The following PGD variants were observed in gnomAD, a reference collection of about 807,000 sequenced individuals.
PGD encodes 6-phosphogluconate dehydrogenase, decarboxylating.
In PGD, 21 loss-of-function variants were observed where a neutral mutation model predicts 60.4. The observed-to-expected ratio is 0.35, with a 90% CI of 0.25 to 0.50. PGD has a LOEUF of 0.50. Among genes scored for constraint, PGD ranks in the 20% least tolerant of loss-of-function variants. The pLI, the probability that PGD is intolerant of heterozygous loss-of-function variation, is 0.98. For synonymous variants in PGD, 230 were observed against 235.9 expected, an observed-to-expected ratio of 0.97 and a Z score of 0.23; for missense variants, 477 against 613.1, an observed-to-expected ratio of 0.78 and a Z score of 2.34.
intron 2 of PGD, 59 bp from the exon 3 acceptor site, chr1:10,400,334 C>T (rs1239539159): frequency 1.5e-6 from 2 of 1,309,024 alleles, no homozygotes; most frequent in South Asian, 2.6e-5. Context: ...GTTACTTTGG[C>T]CACAGTCTGA....
In PGD at chr1:10,403,146, C is replaced by A. The variant is rs12122847; in HGVS notation, c.330+10C>A. The A allele has an allele frequency of 4.4e-6, 7 of 1,575,770 alleles. No individual in the cohort carries two copies. The South Asian group carries it at 7.8e-5, about 17-fold the overall frequency. ...ATATAGGGACACCACAGTAAGTGTT[C>A]TTCAGTCCAGATTCTTCCAGGTTCC... On this transcript the variant is annotated intron_variant, in intron 4 of 12. Transcript: ENST00000270776.
At chr1:10,419,116 C>G (rs931672464) in intron 11 of PGD, among the ~76,000 whole-genome samples, 191 bp downstream of exon 11, 1 of 151,422 alleles carries the variant, frequency 6.6e-6, no homozygotes, top group Admixed American at 6.6e-5. Flanking sequence ...TCAAGCGATT[C>G]TCCTGCCCCA....
Position 10,419,620 on chromosome 1 carries a change from C to G in PGD, c.1333-10C>G, listed in dbSNP as rs766737915. ...GACTGTCCTGACCAACCTACTCTCTCGTTTCCTAGGCTCAGCGGGATTACT... is the reference window on the plus strand; with the variant it reads ...GACTGTCCTGACCAACCTACTCTCTGGTTTCCTAGGCTCAGCGGGATTACT... On this transcript the variant is annotated splice_polypyrimidine_tract_variant and intron_variant, in intron 12 of 12. Transcript: ENST00000270776. 2.5e-6 allele frequency: 4 copies of G among 1,614,018 alleles called. No homozygotes were observed. The Admixed American group carries it at 5.0e-5, about 20-fold the overall frequency.
intron 4 of PGD, among the ~76,000 whole-genome samples, chr1:10,403,590 GAAAAAAAA>G (rs71583866): frequency 4.5e-5 from 3 of 67,146 alleles, no homozygotes; most frequent in African/African-American, 1.8e-4. Context: ...AACTCCATCT[GAAAAAAAA>G]AAAAAAAAAA....
Position 10,399,086 on chromosome 1 carries a change from C to A in PGD, c.-32C>A. 6.2e-7 allele frequency: 1 copy of A among 1,609,048 alleles called. No homozygotes were observed. Among genetic ancestry groups the A allele is most frequent in the African/African-American group, 1.3e-5 (1 of 74,982 alleles). ...TTTCCCTCACTCGTCCTCCGCGCGT[C>A]GCCGCTCTTCGGTTCTGCTCTGTCC... On this transcript the variant is annotated 5_prime_UTR_variant, in exon 1 of 13. Transcript: ENST00000270776.
chr1:10,402,513 T>TC (rs1229883685), intron 3 of PGD, among the ~76,000 whole-genome samples: 3 of 151,152 alleles, frequency 2.0e-5, no homozygotes, highest in African/African-American at 7.3e-5. Flanking sequence ...ATGGTGAGAC[T>TC]CCATCTCAAA....
rs369275295 is a variant in PGD at position 10,413,208 on chromosome 1, C to A, written c.801C>A (p.Thr267=). 60 of 1,614,060 alleles carry A rather than the reference C, an allele frequency of 3.7e-5. No homozygotes were observed. The highest frequency in any genetic ancestry group is 2.7e-5 in the Non-Finnish European group (32 of 1,180,034). Residue 267 remains threonine (T), a synonymous_variant, in exon 8 of 13, where the codon ACC becomes ACA. Coordinates refer to ENST00000270776, the MANE Select transcript of PGD (RefSeq NM_002631.4). Reference sequence around the variant, plus strand: ...GGCAGAAGGGCACAGGGAAGTGGACCGCCATCTCCGCCCTGGAATACGGCG... The same window carrying A: ...GGCAGAAGGGCACAGGGAAGTGGACAGCCATCTCCGCCCTGGAATACGGCG... The part of the protein sequence containing the change: ...SAGQKGTGKW[T]AISALEYGVP...
chr1:10,407,910 C>G (rs952297280), intron 5 of PGD, among the ~76,000 whole-genome samples, 161 bp from the exon 6 acceptor site: 2 of 150,806 alleles, frequency 1.3e-5, no homozygotes, highest in African/African-American at 4.9e-5. Context: ...GATCACACCA[C>G]TGCATTCCAG....
At chr1:10,404,794 T>C (rs1639373238) in intron 5 of PGD, among the ~76,000 whole-genome samples, 1 of 152,040 alleles carries the variant, frequency 6.6e-6, no homozygotes, top group Non-Finnish European at 1.5e-5. Flanking sequence ...ACCACCACAC[T>C]TGGCCTCTAA....
rs71583866 is a variant in PGD at position 10,403,590 on chromosome 1, G to GAAAAAAAA, written c.330+467_330+474dup. ...TGGGCGACAGAGTGAAACTCCATCTGAAAAAAAAAAAAAAAAAAAAGACAC... is the reference window on the plus strand; with the variant it reads ...TGGGCGACAGAGTGAAACTCCATCTGAAAAAAAAAAAAAAAAAAAAAAAAAAAAGACAC... On this transcript the variant is annotated intron_variant, in intron 4 of 12. Transcript: ENST00000270776. Among the ~76,000 whole-genome samples, 161 of 67,136 alleles carry GAAAAAAAA rather than the reference G, an allele frequency of 2.4e-3. 3 individuals are homozygous for GAAAAAAAA. Among genetic ancestry groups the GAAAAAAAA allele is most frequent in the African/African-American group, 4.7e-3 (80 of 17,032 alleles). The allele number at this position is 67,136 out of a possible 152,430, so 44.0% of individuals were successfully genotyped here.
chr1:10,404,916 C>T (rs775249800), intron 5 of PGD, among the ~76,000 whole-genome samples: 2 of 152,174 alleles, frequency 1.3e-5, no homozygotes, highest in Non-Finnish European at 2.9e-5. Flanking sequence ...ATGTGATAAT[C>T]GTGGGTAACA....
chr1:10,410,383 G>A (rs1018165242), intron 6 of PGD, among the ~76,000 whole-genome samples: 4 of 151,874 alleles, frequency 2.6e-5, no homozygotes, highest in Admixed American at 6.6e-5. Context: ...CAGGTGTTGT[G>A]CTGAGCCAAG....
rs759797837 is a variant in PGD, at chr1:10,419,737, A to T, written c.1440A>T (p.Ser480=). 6.2e-7 allele frequency: 1 copy of T among 1,614,194 alleles called. No individual in the cohort carries two copies. The highest frequency in any genetic ancestry group is 1.1e-5 in the South Asian group (1 of 91,078). The change falls in exon 13 of 13, where the codon TCA becomes TCT. Residue 480 remains serine (S), a synonymous_variant. Coordinates refer to ENST00000270776, the MANE Select transcript of PGD (RefSeq NM_002631.4). ...TGHGGTVSSS[S]YNA The stretch of plus-strand genomic sequence containing the variant: ...ATGGTGGCACCGTGTCATCCTCGTC[A>T]TACAATGCCTGATCATGCTGCTCCT...
intron 5 of PGD, among the ~76,000 whole-genome samples, chr1:10,404,592 T>C (rs1177412782): frequency 6.6e-6 from 1 of 151,906 alleles, no homozygotes; most frequent in Non-Finnish European, 1.5e-5. Context: ...CCCCGTCTCC[T>C]GGGCTCAAGC....
At chr1:10,400,013 T>G in intron 2 of PGD, 1 of 462,232 alleles carries the variant, frequency 2.2e-6, no homozygotes, top group Middle Eastern at 5.9e-4. Flanking sequence ...TCTAACTTGA[T>G]TGCCTGATGA....
chr1:10,411,883 A>G (rs1639506814), intron 7 of PGD, among the ~76,000 whole-genome samples: 1 of 152,220 alleles, frequency 6.6e-6, no homozygotes, highest in Non-Finnish European at 1.5e-5. Context: ...TTTCCTGATC[A>G]AGTTGGGATT....
chr1:10,401,050 T>C (rs11121560), intron 3 of PGD, among the ~76,000 whole-genome samples: 50,168 of 151,936 alleles, frequency 0.33, 8,404 homozygotes, highest in Middle Eastern at 0.38. Context: ...ACTAAAAATA[T>C]AAAAATTAGC....
In PGD at chr1:10,419,636, C is replaced by T. The variant is rs1639656703; in HGVS notation, c.1339C>T (p.Arg447Trp). The change falls in exon 13 of 13, where the codon CGG becomes TGG. Residue 447 changes from arginine to tryptophan, a missense_variant. Physicochemically the swap from Arg to Trp is moderately radical, Grantham distance 101 (BLOSUM62 -3). This residue lies in a region of PGD where 2 missense variants were observed against 16.2 expected (regional missense o/e 0.12). Coordinates refer to ENST00000270776, the MANE Select transcript of PGD (RefSeq NM_002631.4). ...CTACTCTCTCGTTTCCTAGGCTCAG[C>T]GGGATTACTTCGGGGCTCACACCTA... ...MLPASLIQAQ[R>W]DYFGAHTYEL... 6.2e-7 allele frequency: 1 copy of T among 1,614,108 alleles called. No homozygotes were observed. The highest frequency in any genetic ancestry group is 8.5e-7 in the Non-Finnish European group (1 of 1,180,040).
chr1:10,410,994 AC>A (rs1265665198), intron 6 of PGD, among the ~76,000 whole-genome samples: 6 of 152,122 alleles, frequency 3.9e-5, no homozygotes, highest in Admixed American at 3.9e-4. Context: ...TTGAAAAAAA[AC>A]AAGTGATTTA....
Sources: allele counts gnomAD v4.1 joint callset (sites outside exome capture counted in the v4.1 genomes callset), GRCh38; gene constraint gnomAD v4.1.1; regional missense constraint gnomAD v4.1.1; transcripts MANE v1.5; gene names NCBI Gene and HGNC (gene_info 2026-07-23, HGNC 2026-07-21).